Variants in ADAMTSL3 observed in about 807,000 individuals in gnomAD.
ADAMTSL3 encodes the protein ADAMTS like 3, also known as ADAMTS-like protein 3.
ADAMTSL3 carries 128 observed loss-of-function variants against 201.7 expected under a neutral mutation model. The observed-to-expected ratio is 0.63, with a 90% CI of 0.55 to 0.73. The LOEUF (loss-of-function observed/expected upper bound fraction) is 0.73. ADAMTSL3 is among the 30% of genes least tolerant of loss of function. ADAMTSL3 has a pLI of 0.00. For synonymous variants in ADAMTSL3, 738 were observed against 748.4 expected, an observed-to-expected ratio of 0.99 and a Z score of 0.23; for missense variants, 1,990 against 2,119.6, an observed-to-expected ratio of 0.94 and a Z score of 1.20.
At chr15:83,682,423 C>T (rs752526178) in intron 2 of ADAMTSL3, among the ~76,000 whole-genome samples, 20 of 152,186 alleles carry the variant, frequency 1.3e-4, no homozygotes, top group Non-Finnish European at 2.2e-4. Context: ...ATGCATTTAC[C>T]TTTGCTCTTT....
chr15:83,719,190 A>T (rs778242246), intron 3 of ADAMTSL3, among the ~76,000 whole-genome samples: 1 of 152,224 alleles, frequency 6.6e-6, no homozygotes, highest in African/African-American at 2.4e-5. Context: ...CTAACTACCT[A>T]TTTATGAGAA....
At chr15:84,012,744 G>A (rs1434283283) in intron 23 of ADAMTSL3, among the ~76,000 whole-genome samples, 4 of 152,200 alleles carry the variant, frequency 2.6e-5, no homozygotes, top group African/African-American at 9.6e-5. Flanking sequence ...AATGTCTTTA[G>A]AATTCTGCCT....
intron 6 of ADAMTSL3, among the ~76,000 whole-genome samples, chr15:83,835,872 A>C (rs913040891): frequency 3.9e-5 from 6 of 152,250 alleles, no homozygotes; most frequent in African/African-American, 1.4e-4. Context: ...ATGTAGTGTT[A>C]AGATTCTGAG....
At chr15:83,875,825 G>A (rs1312386914) in intron 9 of ADAMTSL3, among the ~76,000 whole-genome samples, 9 of 151,946 alleles carry the variant, frequency 5.9e-5, no homozygotes, top group African/African-American at 2.2e-4. Flanking sequence ...AGAACAATCA[G>A]GATGTATGTG....
At chr15:83,870,416 A>T (rs2141826382) in intron 8 of ADAMTSL3, among the ~76,000 whole-genome samples, 1 of 152,334 alleles carries the variant, frequency 6.6e-6, no homozygotes, top group African/African-American at 2.4e-5. Context: ...CAAATTTGAA[A>T]TTTGCTGTGA....
chr15:83,902,398 G>A (rs1772619378), intron 15 of ADAMTSL3, among the ~76,000 whole-genome samples: 1 of 152,142 alleles, frequency 6.6e-6, no homozygotes, highest in African/African-American at 2.4e-5. Context: ...AGCCTCCTGA[G>A]TAGCTGGGAT....
At chr15:83,813,670 T>A (rs1320940556) in intron 5 of ADAMTSL3, among the ~76,000 whole-genome samples, 1 of 152,130 alleles carries the variant, frequency 6.6e-6, no homozygotes, top group Non-Finnish European at 1.5e-5. Context: ...AGATGGGGAT[T>A]TGGGCTTTGG....
chr15:83,732,552 T>C (rs937735029), intron 3 of ADAMTSL3, among the ~76,000 whole-genome samples: 5 of 152,158 alleles, frequency 3.3e-5, no homozygotes, highest in Non-Finnish European at 7.4e-5. Context: ...CAATAATATA[T>C]ACCAGGGCTA....
At chr15:83,666,803 A>G (rs2061253633) in intron 2 of ADAMTSL3, among the ~76,000 whole-genome samples, 1 of 151,764 alleles carries the variant, frequency 6.6e-6, no homozygotes, top group Non-Finnish European at 1.5e-5. Context: ...TGATTGTGCC[A>G]CTGCACTCCA....
rs71156089 is a variant in ADAMTSL3, at chr15:83,669,453, G to GT, written c.69+13655dup. On this transcript the variant is annotated intron_variant, in intron 2 of 29. Transcript: ENST00000286744. Reference sequence around the variant, plus strand: ...GCCACTGCACCTGGCCGGGAGTGAGGTTTTTTTTTTTTTTTTTTTTTTTTT... The same window carrying GT: ...GCCACTGCACCTGGCCGGGAGTGAGGTTTTTTTTTTTTTTTTTTTTTTTTTT... Among the ~76,000 whole-genome samples the GT allele has an allele frequency of 7.2e-3, 411 of 56,922 alleles. 13 individuals carry two copies. The highest frequency in any genetic ancestry group is 0.01 in the Non-Finnish European group (351 of 34,300). 37.3% of individuals were successfully genotyped at this position (56,922 alleles called of 152,430 possible). A position where few individuals can be genotyped will look rare whatever the true frequency, so the allele number is the denominator to read the frequency against.
chr15:83,835,319 A>T (rs1324670655), intron 6 of ADAMTSL3, among the ~76,000 whole-genome samples: 1 of 152,016 alleles, frequency 6.6e-6, no homozygotes, highest in East Asian at 1.9e-4. Flanking sequence ...TTTCAAAGGC[A>T]TTTCTGGCTT....
At chr15:83,835,880 G>C (rs1467686613) in intron 6 of ADAMTSL3, among the ~76,000 whole-genome samples, 1 of 152,158 alleles carries the variant, frequency 6.6e-6, no homozygotes, top group African/African-American at 2.4e-5. Flanking sequence ...TTAAGATTCT[G>C]AGTCAGATAA....
At chr15:84,017,377 A>C (rs1056125516) in intron 25 of ADAMTSL3, among the ~76,000 whole-genome samples, 2 of 152,220 alleles carry the variant, frequency 1.3e-5, no homozygotes, top group African/African-American at 4.8e-5. Flanking sequence ...TTGGCCTCCC[A>C]AAGTGCTGAG....
chr15:83,865,025 A>G (rs537548157), intron 8 of ADAMTSL3, among the ~76,000 whole-genome samples: 1 of 152,318 alleles, frequency 6.6e-6, no homozygotes, highest in South Asian at 2.1e-4. Flanking sequence ...TGCTTCAAAG[A>G]GAATAAAATA....
Position 83,981,312 on chromosome 15 carries a change from C to T in ADAMTSL3, c.2645-961C>T, listed in dbSNP as rs1204684776. The stretch of plus-strand genomic sequence containing the variant: ...TTTGGGCCTAGCCCATTAAGAGGAG[C>T]CGATCGATGCCCAGGAACAAGTCAA... On this transcript the variant is annotated intron_variant, in intron 20 of 29. Transcript: ENST00000286744. Among the ~76,000 whole-genome samples, 3 of 152,194 alleles carry T rather than the reference C, an allele frequency of 2.0e-5. No individual in the cohort carries two copies. In the East Asian group the frequency reaches 5.8e-4, roughly 29 times the overall value.
At chr15:83,663,850 T>A (rs1228482367) in intron 2 of ADAMTSL3, among the ~76,000 whole-genome samples, 1 of 152,234 alleles carries the variant, frequency 6.6e-6, no homozygotes, top group African/African-American at 2.4e-5. Flanking sequence ...GGTGGGAGAA[T>A]GAATGGGAGC....
chr15:83,917,417 G>GTGTGTGTGTATGTA (rs9329362), intron 16 of ADAMTSL3, among the ~76,000 whole-genome samples: 1 of 146,532 alleles, frequency 6.8e-6, no homozygotes, highest in Non-Finnish European at 1.5e-5. Flanking sequence ...TCCAAAGTGT[G>GTGTGTGTGTATGTA]TGTATGTATG....
In ADAMTSL3 at chr15:83,913,332, C is replaced by T. The variant is rs2141960902; in HGVS notation, c.1941C>T (p.Asp647=). ...CTGAGGACAGTGAGACGACTTACGA[C>T]TGGGAGTACGCTGGGTTCACCCCTT... ...PLPEDSETTY[D]WEYAGFTPCT... Residue 647 remains aspartate, a synonymous_variant, in exon 16 of 30, where the codon GAC becomes GAT. Coordinates refer to ENST00000286744, the MANE Select transcript of ADAMTSL3 (RefSeq NM_207517.3). 6.2e-7 allele frequency: 1 copy of T among 1,613,786 alleles called. No homozygotes were observed.
chr15:83,681,427 A>G (rs1250932921), intron 2 of ADAMTSL3, among the ~76,000 whole-genome samples: 1 of 152,366 alleles, frequency 6.6e-6, no homozygotes, highest in African/African-American at 2.4e-5. Flanking sequence ...TCATGGACCC[A>G]GGAGGAGAAC....
Sources: gnomAD v4.1 joint callset for allele counts (sites outside exome capture counted in the v4.1 genomes callset) on GRCh38, gnomAD v4.1.1 for gene constraint, MANE v1.5 for transcripts, NCBI Gene and HGNC (gene_info 2026-07-23, HGNC 2026-07-21) for gene names.